Variants in TTYH1 observed in about 807,000 individuals in gnomAD.
The protein encoded by TTYH1 is protein tweety homolog 1.
A neutral mutation model predicts 61.2 loss-of-function variants in TTYH1; 33 were observed. The observed-to-expected ratio is 0.54, with a 90% CI of 0.41 to 0.72. TTYH1 has a LOEUF of 0.72. Ranked by LOEUF, TTYH1 falls within the 30% of genes least tolerant of loss-of-function variation. TTYH1 has a pLI of 0.00. For synonymous variants in TTYH1, 308 were observed against 266.4 expected (o/e 1.16, Z -1.52); for missense variants, 538 against 575.8 (o/e 0.93, Z 0.67).
chr19:54,422,528 C>G (rs1428190611), intron 4 of TTYH1, 118 bp downstream of exon 4: 1 of 814,356 alleles, frequency 1.2e-6, no homozygotes, highest in African/African-American at 1.7e-5. Flanking sequence ...TGTGTGCGCA[C>G]TGCTGGCATC....
intron 9 of TTYH1, 29 bp downstream of exon 9, chr19:54,430,934 C>T (rs755813502): frequency 5.0e-6 from 8 of 1,600,752 alleles, no homozygotes; most frequent in Admixed American, 3.4e-5. Flanking sequence ...CCCAGACACG[C>T]GGACCCCACG....
intron 5 of TTYH1, among the ~76,000 whole-genome samples, chr19:54,427,619 A>AACAAC (rs1439134786): frequency 3.9e-5 from 5 of 129,422 alleles, no homozygotes; most frequent in Admixed American, 7.5e-5. Context: ...CAACAACAAC[A>AACAAC]AAAAAAAAAA....
chr19:54,429,529 G>C lies in TTYH1; in HGVS notation c.807+150G>C. 2 of 734,972 alleles carry C rather than the reference G, an allele frequency of 2.7e-6. No individual in the cohort carries two copies. The highest frequency in any genetic ancestry group is 2.3e-6 in the Non-Finnish European group (1 of 441,976). 45.5% of individuals were successfully genotyped at this position (734,972 alleles called of 1,614,324 possible). On this transcript the variant is annotated intron_variant, in intron 6 of 13. Transcript: ENST00000376530. This position sits in a 1 kb window ranked among gnomAD's most constrained non-coding sequence, Gnocchi z 5.1. ...GTTTAGGGCTTGTTTCCTGGGGCCT[G>C]AGTGGGTACAGATTGGTGTCCTGGA...
intron 5 of TTYH1, among the ~76,000 whole-genome samples, chr19:54,427,079 A>G (rs978919301): frequency 6.6e-6 from 1 of 151,900 alleles, no homozygotes. Flanking sequence ...TGGGTGGATC[A>G]TGAGGTCAGG....
chr19:54,416,802 C>T lies in TTYH1; in HGVS notation c.126+1124C>T, dbSNP rs144026046. On this transcript the variant is annotated intron_variant, in intron 1 of 13. Coordinates refer to ENST00000376530, the MANE Select transcript of TTYH1 (RefSeq NM_020659.4). The surrounding 1 kb of genome is among the most constrained non-coding windows in gnomAD (Gnocchi z 7.0). The stretch of plus-strand genomic sequence containing the variant: ...CCTCGCCCACAGCCTCGCGGTTACA[C>T]AACGGCCACCTCCAACAACGCCGCT... 5,757 of 1,294,184 alleles carry T rather than the reference C, an allele frequency of 4.4e-3. 50 individuals carry two copies. Among genetic ancestry groups the T allele is most frequent in the Admixed American group, 0.031 (1,364 of 43,542 alleles). The allele number at this position is 1,294,184 out of a possible 1,614,324, so 80.2% of individuals were successfully genotyped here.
chr19:54,428,317 G>A (rs906859320), intron 5 of TTYH1, among the ~76,000 whole-genome samples: 2 of 151,820 alleles, frequency 1.3e-5, no homozygotes, highest in African/African-American at 4.8e-5. Context: ...TCAAACTCCT[G>A]ACCTAAGGTG....
intron 10 of TTYH1, chr19:54,433,280 G>C (rs376516944): frequency 6.6e-6 from 1 of 152,296 alleles, no homozygotes; most frequent in Non-Finnish European, 1.5e-5. Flanking sequence ...CGGCGGGGCC[G>C]GGCACTGTGG....
At position 54,435,904 on chromosome 19, in the gene TTYH1, G is replaced by A. The variant is rs374414439; in HGVS notation, c.1314+31G>A. ...GGATGCCTGGGTCTGAGGGAGGAGG[G>A]GCGGGGGGTCCTGAACTCCTGGGTC... On this transcript the variant is annotated intron_variant, in intron 12 of 13. Coordinates refer to ENST00000376530, the MANE Select transcript of TTYH1 (RefSeq NM_020659.4). 3 of 1,611,466 alleles carry A rather than the reference G, an allele frequency of 1.9e-6. No homozygotes were observed. In the South Asian group the frequency reaches 3.3e-5, roughly 18 times the overall value.
In TTYH1 at chr19:54,430,545, T is replaced by G. The variant is rs2083415504; in HGVS notation, c.884-5T>G. The G allele has an allele frequency of 6.2e-7, 1 of 1,614,010 alleles. No homozygotes were observed. Among genetic ancestry groups the G allele is most frequent in the African/African-American group, 1.3e-5 (1 of 75,032 alleles). On this transcript the variant is annotated splice_polypyrimidine_tract_variant and splice_region_variant and intron_variant, in intron 7 of 13. Coordinates refer to ENST00000376530, the MANE Select transcript of TTYH1 (RefSeq NM_020659.4). ...GCCTCCTCCCCTCTCCTCCTCCCAC[T>G]TCAGACATCCTGAGCTATTATCTCC...
chr19:54,419,481 C>T lies in TTYH1; in HGVS notation c.305+175C>T. On this transcript the variant is annotated intron_variant, in intron 2 of 13. Transcript: ENST00000376530. The surrounding 1 kb of genome is among the most constrained non-coding windows in gnomAD (Gnocchi z 6.1). ...TTCAGCGCACAGCAGGAAGGACTGT[C>T]CCATTTGATGGATGGAGAAAGTGAG... is the stretch of plus-strand genomic sequence containing the variant. 1.3e-6 allele frequency: 1 copy of T among 751,418 alleles called. No individual in the cohort carries two copies. The highest frequency in any genetic ancestry group is 2.3e-6 in the Non-Finnish European group (1 of 430,372). The allele number at this position is 751,418 out of a possible 1,614,324, so 46.5% of individuals were successfully genotyped here. A position where few individuals can be genotyped will look rare whatever the true frequency, so the allele number is the denominator to read the frequency against.
intron 4 of TTYH1, among the ~76,000 whole-genome samples, chr19:54,422,928 CAAAAAAAAA>C (rs573699988): frequency 0.01 from 890 of 85,364 alleles, 4 homozygotes; most frequent in Non-Finnish European, 0.014. Flanking sequence ...GACTCCATCT[CAAAAAAAAA>C]AAAAAAAAAA....
chr19:54,415,865 G>T lies in TTYH1; in HGVS notation c.126+187G>T. ...ATGCCTGGAGGTTCTCCTGGGACGCGCGCTGGGGGTCCAGACCTCGAGCTC... is the reference window on the plus strand; with the variant it reads ...ATGCCTGGAGGTTCTCCTGGGACGCTCGCTGGGGGTCCAGACCTCGAGCTC... On this transcript the variant is annotated intron_variant, in intron 1 of 13. Coordinates refer to ENST00000376530, the MANE Select transcript of TTYH1 (RefSeq NM_020659.4). This position sits in a 1 kb window ranked among gnomAD's most constrained non-coding sequence, Gnocchi z 5.2. The T allele has an allele frequency of 1.2e-6, 1 of 801,226 alleles. No homozygotes were observed. 49.6% of individuals were successfully genotyped at this position (801,226 alleles called of 1,614,324 possible). A position where few individuals can be genotyped will look rare whatever the true frequency, so the allele number is the denominator to read the frequency against.
In TTYH1 at chr19:54,429,758, A is replaced by T. The variant is rs1276939940; in HGVS notation, c.808-124A>T. 1 of 803,840 alleles carries T rather than the reference A, an allele frequency of 1.2e-6. No individual in the cohort carries two copies. Among genetic ancestry groups the T allele is most frequent in the Non-Finnish European group, 2.1e-6 (1 of 486,256 alleles). 49.8% of individuals were successfully genotyped at this position (803,840 alleles called of 1,614,324 possible). On this transcript the variant is annotated intron_variant, in intron 6 of 13. Coordinates refer to ENST00000376530, the MANE Select transcript of TTYH1 (RefSeq NM_020659.4). This position sits in a 1 kb window ranked among gnomAD's most constrained non-coding sequence, Gnocchi z 5.1. ...GGGCCTGGACTCCTGAGTCTGAGGGAAGAGGGGCTGGGACCTGGACCCCTG... is the reference window on the plus strand; with the variant it reads ...GGGCCTGGACTCCTGAGTCTGAGGGTAGAGGGGCTGGGACCTGGACCCCTG...
Position 54,422,241 on chromosome 19 carries a change from A to T in TTYH1, c.469A>T (p.Thr157Ser), listed in dbSNP as rs779429559. 1 of 1,566,418 alleles carries T rather than the reference A, an allele frequency of 6.4e-7. No individual in the cohort carries two copies. The highest frequency in any genetic ancestry group is 8.6e-7 in the Non-Finnish European group (1 of 1,156,276). The change falls in exon 4 of 14, where the codon ACC (threonine) becomes TCC (serine). Residue 157 changes from threonine (T) to serine (S), a missense_variant. Physicochemically the swap from Thr to Ser is moderately conservative, Grantham distance 58. Around this residue, in one of 3 missense-constraint regions of TTYH1, gnomAD observed 378 missense variants for 401.2 expected, o/e 0.94. Transcript: ENST00000376530. ...LGEAVRTELT[T>S]LEEVLEPRTE... Reference sequence around the variant, plus strand: ...CGAGGCGGTGAGGACAGAGCTGACCACCCTGGAGGAGGTGCTCGAGCCGCG... The same window carrying T: ...CGAGGCGGTGAGGACAGAGCTGACCTCCCTGGAGGAGGTGCTCGAGCCGCG...
intron 7 of TTYH1, 81 bp from the exon 8 acceptor site, chr19:54,430,469 C>T (rs927778600): frequency 5.3e-6 from 8 of 1,499,998 alleles, no homozygotes; most frequent in East Asian, 4.5e-5. Flanking sequence ...CCCTGCTAAC[C>T]CCCCAGTGCC....
rs1404375393 is a variant in TTYH1 at position 54,429,677 on chromosome 19, TGAGG to T, written c.808-201_808-198del. Among the ~76,000 whole-genome samples, 6 of 150,250 alleles carry T rather than the reference TGAGG, an allele frequency of 4.0e-5. No homozygotes were observed. Among genetic ancestry groups the T allele is most frequent in the African/African-American group, 1.5e-4 (6 of 40,630 alleles). Reference sequence around the variant, plus strand: ...AGCTGGGGGCCTGGACTCCTGAGTCTGAGGGAGAAAGGGCTGGAGAGTCTGAACC... The same window carrying T: ...AGCTGGGGGCCTGGACTCCTGAGTCTGAGAAAGGGCTGGAGAGTCTGAACC... On this transcript the variant is annotated intron_variant, in intron 6 of 13. Transcript: ENST00000376530. This position sits in a 1 kb window ranked among gnomAD's most constrained non-coding sequence, Gnocchi z 5.1.
intron 4 of TTYH1, among the ~76,000 whole-genome samples, chr19:54,424,561 G>C (rs1314990773): frequency 1.3e-5 from 2 of 152,252 alleles, no homozygotes; most frequent in African/African-American, 4.8e-5. Flanking sequence ...TCAGGCCCAG[G>C]GGCTGCACAA....
At chr19:54,418,927 A>C (rs112640704) in intron 1 of TTYH1, among the ~76,000 whole-genome samples, 85 of 152,324 alleles carry the variant, frequency 5.6e-4, no homozygotes, top group Admixed American at 3.0e-3. Context: ...AGCTCCCTCC[A>C]GCAAGCTGGC....
Position 54,416,970 on chromosome 19 carries a change from A to G in TTYH1, c.126+1292A>G, listed in dbSNP as rs114598536. On this transcript the variant is annotated intron_variant, in intron 1 of 13. Coordinates refer to ENST00000376530, the MANE Select transcript of TTYH1 (RefSeq NM_020659.4). This position sits in a 1 kb window ranked among gnomAD's most constrained non-coding sequence, Gnocchi z 7.0. ...CACTCCGCCCCCACGGTCGGGGGTCAGGGTCAGGGTGGCAGGGATGCGCGG... is the reference window on the plus strand; with the variant it reads ...CACTCCGCCCCCACGGTCGGGGGTCGGGGTCAGGGTGGCAGGGATGCGCGG... 1.3e-3 allele frequency: 1,583 copies of G among 1,226,650 alleles called. 27 individuals are homozygous for G. The African/African-American group carries it at 0.023, about 18-fold the overall frequency. 76.0% of individuals were successfully genotyped at this position (1,226,650 alleles called of 1,614,324 possible).
Sources: allele counts gnomAD v4.1 joint callset (sites outside exome capture counted in the v4.1 genomes callset), GRCh38; gene constraint gnomAD v4.1.1; regional missense constraint gnomAD v4.1.1; non-coding constraint Gnocchi (gnomAD v3.1); transcripts MANE v1.5; gene names NCBI Gene and HGNC (gene_info 2026-07-23, HGNC 2026-07-21).